The following ABCC8 variants were observed in gnomAD, a reference collection of about 807,000 sequenced individuals.
The protein encoded by ABCC8 is ATP-binding cassette sub-family C member 8.
Under a neutral mutation model 188.0 loss-of-function variants are expected in ABCC8, and 137 were observed. The observed-to-expected ratio is 0.73, with a 90% confidence interval of 0.63 to 0.84. The LOEUF (loss-of-function observed/expected upper bound fraction) is 0.84. Among genes scored for constraint, ABCC8 ranks in the 40% least tolerant of loss-of-function variants. The pLI is 0.00. For synonymous variants in ABCC8, 797 were observed against 846.5 expected (o/e 0.94, Z 1.01); for missense variants, 1,750 against 2,072.7 (o/e 0.84, Z 3.02).
rs1957183272 is a variant in ABCC8 at position 17,461,418 on chromosome 11, C to T, written c.822+165G>A. The T allele has an allele frequency of 1.3e-5, 11 of 870,644 alleles. No homozygotes were observed. In the South Asian group the frequency reaches 1.5e-4, roughly 12 times the overall value. The allele number at this position is 870,644 out of a possible 1,614,324, so 53.9% of individuals were successfully genotyped here. ...GTCCTATGAATCCTCAGCCCTGCACCTGTCCCTGGTTCACTGTGTGACTTA... is the reference window on the plus strand; with the variant it reads ...GTCCTATGAATCCTCAGCCCTGCACTTGTCCCTGGTTCACTGTGTGACTTA... On this transcript the variant is annotated intron_variant, in intron 5 of 38. Coordinates refer to ENST00000389817, the MANE Select transcript of ABCC8 (RefSeq NM_000352.6).
chr11:17,476,591 TCCCGTCC>T, intron 1 of ABCC8, 31 bp downstream of exon 1: 1 of 1,603,938 alleles, frequency 6.2e-7, no homozygotes, highest in Non-Finnish European at 8.5e-7. Context: ...CTCCCTGCTC[TCCCGTCC>T]CCTCCTCCGC....
rs1031609894 is a variant in ABCC8 at position 17,408,658 on chromosome 11, G to C, written c.2695-141C>G. ...GGCCACCAGCTCATCCACTGCAAGT[G>C]GGCTGGTATTGATAACCTACCCCAA... On this transcript the variant is annotated intron_variant, in intron 22 of 38. Coordinates refer to ENST00000389817, the MANE Select transcript of ABCC8 (RefSeq NM_000352.6). 3.8e-5 allele frequency: 53 copies of C among 1,377,602 alleles called. 1 individual carries two copies. The highest frequency in any genetic ancestry group is 5.3e-4 in the Middle Eastern group (2 of 3,778). The allele number at this position is 1,377,602 out of a possible 1,614,324, so 85.3% of individuals were successfully genotyped here. A position where few individuals can be genotyped will look rare whatever the true frequency, so the allele number is the denominator to read the frequency against.
At chr11:17,447,700 A>T (rs149833010) in intron 8 of ABCC8, among the ~76,000 whole-genome samples, 1 of 152,310 alleles carries the variant, frequency 6.6e-6, no homozygotes, top group Non-Finnish European at 1.5e-5. Flanking sequence ...CCTGGACTTT[A>T]GGTAATCTTC....
chr11:17,422,257 A>G (rs1955380792), intron 16 of ABCC8, among the ~76,000 whole-genome samples: 1 of 152,192 alleles, frequency 6.6e-6, no homozygotes, highest in African/African-American at 2.4e-5. Flanking sequence ...ATTGAGTCGT[A>G]TCTGCCTAGA....
At chr11:17,428,473 T>C (rs1591798299) in intron 13 of ABCC8, 68 bp from the exon 14 acceptor site, 6 of 1,601,626 alleles carry the variant, frequency 3.7e-6, no homozygotes, top group South Asian at 2.2e-5. Flanking sequence ...CCCCTCTTCC[T>C]GGGAAAAAAG....
intron 18 of ABCC8, 36 bp downstream of exon 18, chr11:17,415,268 T>C (rs756936323): frequency 3.8e-6 from 6 of 1,595,362 alleles, no homozygotes; most frequent in Non-Finnish European, 5.1e-6. Flanking sequence ...CTGGAGGGAG[T>C]TGACCCTGGG....
chr11:17,450,260 C>CTCTTTCTTTCTTTCTTTCTT (rs58452277), intron 7 of ABCC8, among the ~76,000 whole-genome samples: 20 of 67,660 alleles, frequency 3.0e-4, no homozygotes, highest in Admixed American at 1.2e-3. Context: ...TTCTTTCTTT[C>CTCTTTCTTTCTTTCTTTCTT]TCTTTCTTTC....
intron 11 of ABCC8, among the ~76,000 whole-genome samples, chr11:17,431,562 G>A (rs1483511468): frequency 2.6e-5 from 4 of 152,234 alleles, no homozygotes; most frequent in African/African-American, 7.2e-5. Flanking sequence ...ATGGGGATGG[G>A]AGGCTGGGTG....
chr11:17,413,010 G>A (rs1442540867), intron 20 of ABCC8: 1 of 696,530 alleles, frequency 1.4e-6, no homozygotes, highest in Non-Finnish European at 2.3e-6. Context: ...GAGGCAGCAG[G>A]GATTAAAATC....
intron 10 of ABCC8, among the ~76,000 whole-genome samples, chr11:17,438,282 TA>T (rs889886007): frequency 4.2e-4 from 64 of 151,924 alleles, no homozygotes; most frequent in African/African-American, 1.5e-3. Flanking sequence ...AATATTTGTT[TA>T]AAAAAAATGA....
chr11:17,476,688 G>A lies in ABCC8; in HGVS notation c.89C>T (p.Ala30Val). The A allele has an allele frequency of 1.2e-6, 2 of 1,611,886 alleles. No individual in the cohort carries two copies. Among genetic ancestry groups the A allele is most frequent in the South Asian group, 2.2e-5 (2 of 90,794 alleles). The change falls in exon 1 of 39, where the codon GCG becomes GTG. Residue 30 changes from alanine (A) to valine (V), a missense_variant. By Grantham distance (64) the Ala-to-Val change is moderately conservative. Coordinates refer to ENST00000389817, the MANE Select transcript of ABCC8 (RefSeq NM_000352.6). ...GVLNNGCFVD[A>V]LNVVPHVFLL... is the part of the protein sequence containing the mutation. ...GAAGACGTGCGGCACCACGTTGAGC[G>A]CGTCCACAAAGCAGCCGTTGTTGAG...
At chr11:17,400,045 C>T (rs1174478674) in intron 29 of ABCC8, among the ~76,000 whole-genome samples, 6 of 152,204 alleles carry the variant, frequency 3.9e-5, no homozygotes, top group South Asian at 4.1e-4. Flanking sequence ...GCCTCATCAT[C>T]GCTGGTTTGA....
At chr11:17,428,985 G>T (rs1955724975) in intron 12 of ABCC8, 2 of 445,970 alleles carry the variant, frequency 4.5e-6, no homozygotes, top group Non-Finnish European at 4.1e-6. Context: ...ATTGGTCAGG[G>T]TTAAGGTTAG....
At chr11:17,437,779 C>A (rs1489494949) in intron 10 of ABCC8, among the ~76,000 whole-genome samples, 3 of 152,194 alleles carry the variant, frequency 2.0e-5, no homozygotes, top group African/African-American at 4.8e-5. Flanking sequence ...GTGGCTGCAC[C>A]AACTGGCAGA....
intron 17 of ABCC8, 124 bp downstream of exon 17, chr11:17,416,806 T>C: frequency 1.4e-6 from 2 of 1,445,522 alleles, no homozygotes; most frequent in Non-Finnish European, 1.9e-6. Flanking sequence ...CCCATGTCTC[T>C]GAAAATATGT....
chr11:17,396,195 G>A (rs1276618684), intron 33 of ABCC8: 2 of 713,648 alleles, frequency 2.8e-6, no homozygotes, highest in Non-Finnish European at 4.4e-6. Context: ...GGTGTGCCGG[G>A]TACTTGGCTG....
At position 17,411,535 on chromosome 11, in the gene ABCC8, G is replaced by A. The variant is rs1033955605; in HGVS notation, c.2557-882C>T. 9.2e-5 allele frequency among the ~76,000 whole-genome samples: 14 copies of A among 152,240 alleles called. No individual in the cohort carries two copies. The East Asian group carries it at 2.7e-3, about 29-fold the overall frequency. On this transcript the variant is annotated intron_variant, in intron 21 of 38. Transcript: ENST00000389817. ...TTGTGCGTGTGGTGTAGGGAGAGGG[G>A]AGGGAATAAAGCTGGAATCAGAGAC...
At position 17,414,597 on chromosome 11, in the gene ABCC8, C is replaced by T. The variant is rs767419912; in HGVS notation, c.2305G>A (p.Val769Met). Residue 769 changes from valine to methionine, a missense_variant, in exon 19 of 39, where the codon GTG (valine) becomes ATG (methionine). Val to Met is a conservative substitution (Grantham distance 21). Coordinates refer to ENST00000389817, the MANE Select transcript of ABCC8 (RefSeq NM_000352.6). The part of the protein sequence containing the change: ...TDLDIRKRGP[V>M]AYASQKPWLL... The stretch of plus-strand genomic sequence containing the variant: ...CATGGTTTCTGCGAAGCATAGGCCA[C>T]GGGGCCTCTCTTCCTGGAAAAAGCA... The T allele has an allele frequency of 5.0e-6, 8 of 1,614,212 alleles. No homozygotes were observed. Among genetic ancestry groups the T allele is most frequent in the East Asian group, 2.2e-5 (1 of 44,892 alleles).
At chr11:17,442,633 C>T in intron 10 of ABCC8, 87 bp downstream of exon 10, 1 of 1,365,142 alleles carries the variant, frequency 7.3e-7, no homozygotes, top group Non-Finnish European at 1.0e-6. Context: ...TGCTTCTGTC[C>T]CTGCACCCCC....
Sources: allele counts gnomAD v4.1 joint callset (sites outside exome capture counted in the v4.1 genomes callset), GRCh38; gene constraint gnomAD v4.1.1; transcripts MANE v1.5; gene names NCBI Gene and HGNC (gene_info 2026-07-23, HGNC 2026-07-21).